LRP12: variants seen among roughly 807,000 people sequenced by gnomAD.
LRP12 encodes low-density lipoprotein receptor-related protein 12.
LRP12 carries 14 observed loss-of-function variants against 66.0 expected under a neutral mutation model. That is an observed-to-expected ratio of 0.21 (90% CI 0.14 to 0.33). LRP12 has a LOEUF of 0.33. Among genes scored for constraint, LRP12 ranks in the 10% least tolerant of loss-of-function variants. LRP12 has a pLI of 1.00. For missense variants in LRP12, 889 were observed against 1,053.4 expected, an observed-to-expected ratio of 0.84 and a Z score of 2.16; for synonymous variants, 357 against 359.1, an observed-to-expected ratio of 0.99 and a Z score of 0.07.
rs1812396610 is a variant in LRP12 at position 104,589,214 on chromosome 8, G to A, written c.-317C>T. On this transcript the variant is annotated 5_prime_UTR_variant, in exon 1 of 7. Coordinates refer to ENST00000276654, the MANE Select transcript of LRP12 (RefSeq NM_013437.5). ...GAGAGGGTGGCGGACGCCGGACTCC[G>A]GCCTCGCGCCGCTCGGGCTAGCCGG... is the stretch of plus-strand genomic sequence containing the variant. Among the ~76,000 whole-genome samples, 1 of 151,630 alleles carries A rather than the reference G, an allele frequency of 6.6e-6. No homozygotes were observed. Among genetic ancestry groups the A allele is most frequent in the South Asian group, 2.1e-4 (1 of 4,834 alleles).
At position 104,498,023 on chromosome 8, in the gene LRP12, T is replaced by G; in HGVS notation, c.529A>C (p.Lys177Gln). Residue 177 changes from lysine (K) to glutamine (Q), a missense_variant, in exon 5 of 7, where the codon AAG (lysine) becomes CAG (glutamine). By Grantham distance (53) the Lys-to-Gln change is moderately conservative. Transcript: ENST00000276654. ...CATTTCCAGGCTTCTGGTATACACT[T>G]TCCATTACCACAACGAAACTGATCA... ...ACDQFRCGNG[K>Q]CIPEAWKCNN... 1 of 1,613,184 alleles carries G rather than the reference T, an allele frequency of 6.2e-7. No homozygotes were observed. The highest frequency in any genetic ancestry group is 8.5e-7 in the Non-Finnish European group (1 of 1,179,510).
intron 1 of LRP12, among the ~76,000 whole-genome samples, chr8:104,582,265 C>T (rs1472683593): frequency 6.6e-6 from 1 of 151,994 alleles, no homozygotes; most frequent in Non-Finnish European, 1.5e-5. Flanking sequence ...CTGATACCAG[C>T]AAGTAAATGA....
intron 2 of LRP12, among the ~76,000 whole-genome samples, chr8:104,530,828 A>C (rs1345897256): frequency 6.6e-6 from 1 of 152,228 alleles, no homozygotes; most frequent in East Asian, 1.9e-4. Flanking sequence ...GGAGAAGGCC[A>C]TCTTTAAAAT....
rs115919116 is a variant in LRP12 at position 104,569,435 on chromosome 8, A to T, written c.79+19384T>A. Among the ~76,000 whole-genome samples, 738 of 152,246 alleles carry T rather than the reference A, an allele frequency of 4.8e-3. 5 individuals carry two copies. The highest frequency in any genetic ancestry group is 0.017 in the African/African-American group (722 of 41,568). ...TCATCATTTAAAATTGTTATTTTTT[A>T]AAAAGCATAATACACTACAACCAAG... On this transcript the variant is annotated intron_variant, in intron 1 of 6. Transcript: ENST00000276654.
At chr8:104,578,877 C>T (rs1812204947) in intron 1 of LRP12, among the ~76,000 whole-genome samples, 1 of 152,118 alleles carries the variant, frequency 6.6e-6, no homozygotes, top group South Asian at 2.1e-4. Flanking sequence ...AAACTCCACA[C>T]CCCTTCATAT....
chr8:104,563,295 G>T (rs1051209773), intron 1 of LRP12, among the ~76,000 whole-genome samples: 12 of 151,978 alleles, frequency 7.9e-5, no homozygotes, highest in Non-Finnish European at 1.8e-4. Flanking sequence ...AATTTACTTA[G>T]TTATTAGAAC....
intron 1 of LRP12, among the ~76,000 whole-genome samples, chr8:104,565,376 A>G (rs1388985347): frequency 6.6e-6 from 1 of 152,230 alleles, no homozygotes; most frequent in East Asian, 1.9e-4. Flanking sequence ...GGAAATTACA[A>G]GCTTCTAAGA....
At chr8:104,512,747 A>G (rs971213575) in intron 2 of LRP12, among the ~76,000 whole-genome samples, 1 of 152,186 alleles carries the variant, frequency 6.6e-6, no homozygotes, top group African/African-American at 2.4e-5. Flanking sequence ...TCTTATACCA[A>G]TAACTGAAGA....
At chr8:104,555,600 A>G (rs998596438) in intron 1 of LRP12, among the ~76,000 whole-genome samples, 7 of 152,164 alleles carry the variant, frequency 4.6e-5, no homozygotes, top group Non-Finnish European at 7.4e-5. Context: ...GACTAGTCCA[A>G]AGGAAAATAT....
chr8:104,547,622 A>G (rs576167066), intron 1 of LRP12, among the ~76,000 whole-genome samples: 1,985 of 125,562 alleles, frequency 0.016, 60 homozygotes, highest in African/African-American at 0.058. Flanking sequence ...ATAATATATT[A>G]ATATATAATA....
chr8:104,527,317 C>A (rs1811253578), intron 2 of LRP12, among the ~76,000 whole-genome samples: 1 of 147,518 alleles, frequency 6.8e-6, no homozygotes, highest in Non-Finnish European at 1.5e-5. Context: ...TTTGACCCAG[C>A]CATCCCATTA....
At chr8:104,498,155 A>T in intron 4 of LRP12, 79 bp from the exon 5 acceptor site, 1 of 1,301,834 alleles carries the variant, frequency 7.7e-7, no homozygotes, top group Non-Finnish European at 1.0e-6. Context: ...ACAGCAAGTG[A>T]TATTTTTATA....
At chr8:104,588,599 C>T (rs1242409073) in intron 1 of LRP12, among the ~76,000 whole-genome samples, 1 of 152,164 alleles carries the variant, frequency 6.6e-6, no homozygotes, top group East Asian at 1.9e-4. Context: ...GCCCCCCAGC[C>T]CCTCTCCACC....
rs202031717 is a variant in LRP12, at chr8:104,497,589, T to C, written c.963A>G (p.Leu321=). 6.2e-7 allele frequency: 1 copy of C among 1,613,812 alleles called. No homozygotes were observed. Among genetic ancestry groups the C allele is most frequent in the East Asian group, 2.2e-5 (1 of 44,874 alleles). ...YGDYVKIYDG[L]EENPHKLLRV... ...GCAAAAGCTTGTGTGGATTCTCCTC[T>C]AATCCATCATATATTTTGACATAAT... The change falls in exon 5 of 7, where the codon TTA becomes TTG. Residue 321 remains leucine, a synonymous_variant. Transcript: ENST00000276654. The surrounding 1 kb of genome is among the most constrained non-coding windows in gnomAD (Gnocchi z 4.3).
At chr8:104,537,317 A>C (rs1346433430) in intron 1 of LRP12, among the ~76,000 whole-genome samples, 2 of 152,112 alleles carry the variant, frequency 1.3e-5, no homozygotes, top group East Asian at 1.9e-4. Flanking sequence ...TAAGACAACA[A>C]CACAAAAAAC....
At chr8:104,518,532 G>A (rs140300387) in intron 2 of LRP12, among the ~76,000 whole-genome samples, 3 of 152,020 alleles carry the variant, frequency 2.0e-5, no homozygotes, top group African/African-American at 7.2e-5. Context: ...TGACAAAAGT[G>A]GTCTATTCTA....
chr8:104,588,964 ACGCCGACGCCGCCGCCGCCGCCGCCGC>A lies in LRP12; in HGVS notation c.-94_-68del. 1.1e-6 allele frequency: 1 copy of A among 905,716 alleles called. No homozygotes were observed. The highest frequency in any genetic ancestry group is 1.6e-6 in the Non-Finnish European group (1 of 637,496). The allele number at this position is 905,716 out of a possible 1,614,324, so 56.1% of individuals were successfully genotyped here. A position where few individuals can be genotyped will look rare whatever the true frequency, so the allele number is the denominator to read the frequency against. ...AGGGAGGAGAAGCTGGAGGTAGACGACGCCGACGCCGCCGCCGCCGCCGCCGCCGCCGCCGAGCCACCGGCTGCTCCC... is the reference window on the plus strand; with the variant it reads ...AGGGAGGAGAAGCTGGAGGTAGACGACGCCGCCGAGCCACCGGCTGCTCCC... On this transcript the variant is annotated 5_prime_UTR_variant, in exon 1 of 7. Coordinates refer to ENST00000276654, the MANE Select transcript of LRP12 (RefSeq NM_013437.5).
chr8:104,490,901 T>C lies in LRP12; in HGVS notation c.2352A>G (p.Ser784=). The C allele has an allele frequency of 1.2e-6, 2 of 1,614,180 alleles. No homozygotes were observed. The highest frequency in any genetic ancestry group is 1.7e-6 in the Non-Finnish European group (2 of 1,180,020). The change falls in exon 7 of 7, where the codon TCA becomes TCG. Residue 784 remains serine (S), a synonymous_variant. Coordinates refer to ENST00000276654, the MANE Select transcript of LRP12 (RefSeq NM_013437.5). ...TGGAGCAGTCATTCACATCAAAGTC[T>C]GAAGATCCATCAGAAATTGGAATTA... ...EMLIPISDGS[S]DFDVNDCSRP...
At chr8:104,574,655 G>A (rs1444963064) in intron 1 of LRP12, among the ~76,000 whole-genome samples, 2 of 152,202 alleles carry the variant, frequency 1.3e-5, no homozygotes, top group African/African-American at 4.8e-5. Context: ...TAGTTGAATT[G>A]AGATGGGCTG....
Sources: gnomAD v4.1 joint callset for allele counts (sites outside exome capture counted in the v4.1 genomes callset) on GRCh38, gnomAD v4.1.1 for gene constraint, Gnocchi (gnomAD v3.1) non-coding constraint, MANE v1.5 for transcripts, NCBI Gene and HGNC (gene_info 2026-07-23, HGNC 2026-07-21) for gene names.